ZNF84: variants seen among roughly 807,000 people sequenced by gnomAD.
ZNF84 encodes zinc finger protein 84, also known as zinc finger protein HPF2.
In ZNF84, 12 loss-of-function variants were observed where a neutral mutation model predicts 14.8. The ratio of observed to expected loss-of-function variants is 0.81; its 90% CI spans 0.52 to 1.31. ZNF84 has a LOEUF of 1.31. Among genes scored for constraint, ZNF84 ranks in the 50% most tolerant of loss-of-function variants. The pLI is 0.00. For missense variants in ZNF84, 859 were observed against 878.6 expected, an observed-to-expected ratio of 0.98 and a Z score of 0.28; for synonymous variants, 347 against 291.1, an observed-to-expected ratio of 1.19 and a Z score of -1.96.
chr12:133,063,208 T>G lies in ZNF84; in HGVS notation c.*4276T>G. The G allele has an allele frequency of 1.4e-6, 1 of 702,400 alleles. No homozygotes were observed. The highest frequency in any genetic ancestry group is 1.5e-5 in the South Asian group (1 of 67,594). 43.5% of individuals were successfully genotyped at this position (702,400 alleles called of 1,614,324 possible). Reference sequence around the variant, plus strand: ...GTACCTGGTTCTTCTGGTCTTCATGTTCAGGTCCACCTCTGCCCTTTTCAT... The same window carrying G: ...GTACCTGGTTCTTCTGGTCTTCATGGTCAGGTCCACCTCTGCCCTTTTCAT... On this transcript the variant is annotated 3_prime_UTR_variant, in exon 5 of 5. Coordinates refer to ENST00000539354, the MANE Select transcript of ZNF84 (RefSeq NM_001289971.2).
At position 133,059,331 on chromosome 12, in the gene ZNF84, T is replaced by G. The variant is rs1273333639; in HGVS notation, c.*399T>G. ...GTTCATTGTACATAAGAAAATGCTC[T>G]TAGGAATGAAGTTCTATGAAAGTAC... On this transcript the variant is annotated 3_prime_UTR_variant, in exon 5 of 5. Coordinates refer to ENST00000539354, the MANE Select transcript of ZNF84 (RefSeq NM_001289971.2). 1 of 273,456 alleles carries G rather than the reference T, an allele frequency of 3.7e-6. No homozygotes were observed. Among genetic ancestry groups the G allele is most frequent in the Non-Finnish European group, 6.8e-6 (1 of 147,128 alleles). The allele number at this position is 273,456 out of a possible 1,614,324, so 16.9% of individuals were successfully genotyped here.
At chr12:133,046,698 G>A (rs1953984752) in intron 2 of ZNF84, among the ~76,000 whole-genome samples, 1 of 150,890 alleles carries the variant, frequency 6.6e-6, no homozygotes. Context: ...GTCTCACTCT[G>A]TCACTCAAGC....
At chr12:133,056,674 C>A (rs992244131) in intron 4 of ZNF84, among the ~76,000 whole-genome samples, 2 of 152,154 alleles carry the variant, frequency 1.3e-5, no homozygotes, top group Non-Finnish European at 2.9e-5. Context: ...CTTCTTCTAA[C>A]CTTTTTTCTT....
chr12:133,052,843 G>T (rs914618335), intron 4 of ZNF84, among the ~76,000 whole-genome samples: 7 of 152,300 alleles, frequency 4.6e-5, no homozygotes, highest in Admixed American at 1.3e-4. Context: ...GATGTGAAAT[G>T]AGCATGGGGA....
In ZNF84 at chr12:133,063,146, G is replaced by T; in HGVS notation, c.*4214G>T. The T allele has an allele frequency of 2.8e-6, 2 of 702,374 alleles. 1 individual carries two copies. Among genetic ancestry groups the T allele is most frequent in the South Asian group, 3.0e-5 (2 of 67,598 alleles). The allele number at this position is 702,374 out of a possible 1,614,324, so 43.5% of individuals were successfully genotyped here. ...TGAGAGAGAAGAATGAAGCCATGAT[G>T]AAAGCAAAATCAAGAAAGAGTCCCG... On this transcript the variant is annotated 3_prime_UTR_variant, in exon 5 of 5. Transcript: ENST00000539354.
At chr12:133,053,010 C>T (rs1012667699) in intron 4 of ZNF84, among the ~76,000 whole-genome samples, 3 of 152,172 alleles carry the variant, frequency 2.0e-5, no homozygotes, top group Admixed American at 6.5e-5. Flanking sequence ...CCATACTCAA[C>T]TTGTAGGCAA....
At chr12:133,043,603 A>G (rs1953924367) in intron 2 of ZNF84, among the ~76,000 whole-genome samples, 1 of 152,224 alleles carries the variant, frequency 6.6e-6, no homozygotes. Context: ...ATCAAGGCAC[A>G]GGTTTAATCT....
chr12:133,041,444 G>A lies in ZNF84; in HGVS notation c.-24G>A. ...CAGTAGAACCGATCTCAGCCTTGCT[G>A]ATCATCTCGTACAGCAGCAGAAAAT... On this transcript the variant is annotated 5_prime_UTR_variant, in exon 2 of 5. Coordinates refer to ENST00000539354, the MANE Select transcript of ZNF84 (RefSeq NM_001289971.2). The A allele has an allele frequency of 7.4e-6, 12 of 1,614,074 alleles. No individual in the cohort carries two copies. The highest frequency in any genetic ancestry group is 1.3e-5 in the African/African-American group (1 of 75,060).
rs1407226628 is a variant in ZNF84 at position 133,060,347 on chromosome 12, A to G, written c.*1415A>G. 3 of 152,302 alleles carry G rather than the reference A, an allele frequency of 2.0e-5. No homozygotes were observed. The highest frequency in any genetic ancestry group is 1.9e-4 in the East Asian group (1 of 5,188). The allele number at this position is 152,302 out of a possible 1,614,324, so 9.4% of individuals were successfully genotyped here. A position where few individuals can be genotyped will look rare whatever the true frequency, so the allele number is the denominator to read the frequency against. ...ACATTTTTGACATTCAAGGATGCCT[A>G]TTTTATCTTCTAGCAAATTTCTGTG... On this transcript the variant is annotated 3_prime_UTR_variant, in exon 5 of 5. Coordinates refer to ENST00000539354, the MANE Select transcript of ZNF84 (RefSeq NM_001289971.2).
rs1473313370 is a variant in ZNF84 at position 133,058,581 on chromosome 12, A to T, written c.1866A>T (p.Thr622=). 6.2e-7 allele frequency: 1 copy of T among 1,613,974 alleles called. No individual in the cohort carries two copies. The highest frequency in any genetic ancestry group is 8.5e-7 in the Non-Finnish European group (1 of 1,180,004). The change falls in exon 5 of 5, where the codon ACA becomes ACT. Residue 622 remains threonine, a synonymous_variant. Transcript: ENST00000539354. ...SELIRHLRTH[T]GEKPYECNEC... is the part of the protein sequence containing the mutation. ...TAATTAGACATCTGAGAACTCATAC[A>T]GGAGAAAAACCTTATGAATGCAATG...
In ZNF84 at chr12:133,057,619, C is replaced by T; in HGVS notation, c.904C>T (p.Arg302Trp). 1.4e-5 allele frequency: 22 copies of T among 1,613,886 alleles called. No homozygotes were observed. The highest frequency in any genetic ancestry group is 2.2e-5 in the East Asian group (1 of 44,842). The change falls in exon 5 of 5, where the codon CGG becomes TGG. Residue 302 changes from arginine (R) to tryptophan (W), a missense_variant. Arg to Trp is a moderately radical substitution (Grantham distance 101). Coordinates refer to ENST00000539354, the MANE Select transcript of ZNF84 (RefSeq NM_001289971.2). ...TGGTGAATGTGGGAAAGCCTTCTCC[C>T]GGAAGTCACATCTCATATCGCATTG... ...ECGECGKAFS[R>W]KSHLISHWRT...
chr12:133,046,066 C>G (rs1336559770), intron 2 of ZNF84, among the ~76,000 whole-genome samples: 1 of 151,788 alleles, frequency 6.6e-6, no homozygotes, highest in African/African-American at 2.4e-5. Context: ...TGGTGGCATT[C>G]TAGATTTTTA....
At chr12:133,038,305 A>G (rs1953824729) in intron 1 of ZNF84, among the ~76,000 whole-genome samples, 1 of 151,962 alleles carries the variant, frequency 6.6e-6, no homozygotes, top group South Asian at 2.1e-4. Context: ...GCTTTTTTTC[A>G]TCTGTATAAC....
rs1035368935 is a variant in ZNF84, at chr12:133,062,066, A to G, written c.*3134A>G. Reference sequence around the variant, plus strand: ...ATGGAGCACAATAAGGTACATTGAGATAGCATACTAAAGGAGGCCAAATAC... The same window carrying G: ...ATGGAGCACAATAAGGTACATTGAGGTAGCATACTAAAGGAGGCCAAATAC... On this transcript the variant is annotated 3_prime_UTR_variant, in exon 5 of 5. Coordinates refer to ENST00000539354, the MANE Select transcript of ZNF84 (RefSeq NM_001289971.2). 1.3e-5 allele frequency: 2 copies of G among 152,248 alleles called. No homozygotes were observed. The highest frequency in any genetic ancestry group is 6.5e-5 in the Admixed American group (1 of 15,290). The allele number at this position is 152,248 out of a possible 1,614,324, so 9.4% of individuals were successfully genotyped here.
rs1306173867 is a variant in ZNF84 at position 133,048,718 on chromosome 12, T to C, written c.143-35T>C. On this transcript the variant is annotated intron_variant, in intron 3 of 4. Coordinates refer to ENST00000539354, the MANE Select transcript of ZNF84 (RefSeq NM_001289971.2). Reference sequence around the variant, plus strand: ...TTAGAGGCCCTAAACCCCAAGCAGTTGGGCCCAAGGCCTTTGTGATTTTTC... The same window carrying C: ...TTAGAGGCCCTAAACCCCAAGCAGTCGGGCCCAAGGCCTTTGTGATTTTTC... 23 of 1,575,490 alleles carry C rather than the reference T, an allele frequency of 1.5e-5. No individual in the cohort carries two copies. The East Asian group carries it at 5.2e-4, about 35-fold the overall frequency.
rs1369645018 is a variant in ZNF84 at position 133,057,485 on chromosome 12, A to T, written c.770A>T (p.His257Leu). 56 of 1,614,060 alleles carry T rather than the reference A, an allele frequency of 3.5e-5. No individual in the cohort carries two copies. The highest frequency in any genetic ancestry group is 4.6e-5 in the Non-Finnish European group (54 of 1,179,984). Residue 257 changes from histidine (H) to leucine (L), a missense_variant, in exon 5 of 5, where the codon CAT (histidine) becomes CTT (leucine). Coordinates refer to ENST00000539354, the MANE Select transcript of ZNF84 (RefSeq NM_001289971.2). ...CAGTTTATTACACATCACAGAACTC[A>T]TACAGGAGAAAAACCTTATAATTGT... ...KSQFITHHRT[H>L]TGEKPYNCSQ... is the part of the protein sequence containing the mutation.
rs1222227434 is a variant in ZNF84 at position 133,058,510 on chromosome 12, T to C, written c.1795T>C (p.Tyr599His). The C allele has an allele frequency of 1.5e-5, 24 of 1,614,048 alleles. No homozygotes were observed. Among genetic ancestry groups the C allele is most frequent in the Non-Finnish European group, 1.9e-5 (23 of 1,180,020 alleles). Residue 599 changes from tyrosine (Y) to histidine (H), a missense_variant, in exon 5 of 5, where the codon TAT (tyrosine) becomes CAT (histidine). Physicochemically the swap from Tyr to His is moderately conservative, Grantham distance 83. Coordinates refer to ENST00000539354, the MANE Select transcript of ZNF84 (RefSeq NM_001289971.2). The stretch of plus-strand genomic sequence containing the variant: ...GAGAATTCACACTGGAGAGAAACCC[T>C]ATGAATGCAGTCTTTGTAGGAAAGC... ...HQRIHTGEKPYECSLCRKAFF... is the reference protein window; with the variant it reads ...HQRIHTGEKPHECSLCRKAFF...
rs1175867688 is a variant in ZNF84, at chr12:133,057,120, G to A, written c.405G>A (p.Leu135=). Residue 135 remains leucine, a synonymous_variant, in exon 5 of 5, where the codon TTG becomes TTA. Transcript: ENST00000539354. ...KSNSEGDLDG[L]ILKHHLDLLI... is the part of the protein sequence containing the mutation. The stretch of plus-strand genomic sequence containing the variant: ...ACAGTGAAGGTGACTTAGATGGATT[G>A]ATTTTAAAACATCATTTAGATTTGC... 2 of 1,612,506 alleles carry A rather than the reference G, an allele frequency of 1.2e-6. No homozygotes were observed. Among genetic ancestry groups the A allele is most frequent in the East Asian group, 4.5e-5 (2 of 44,854 alleles).
intron 4 of ZNF84, among the ~76,000 whole-genome samples, chr12:133,050,797 T>A (rs1164757722): frequency 6.6e-6 from 1 of 152,226 alleles, no homozygotes; most frequent in African/African-American, 2.4e-5. Flanking sequence ...GATCGTAGTA[T>A]ATATAATATT....
Sources: allele counts gnomAD v4.1 joint callset (sites outside exome capture counted in the v4.1 genomes callset), GRCh38; gene constraint gnomAD v4.1.1; transcripts MANE v1.5; gene names NCBI Gene and HGNC (gene_info 2026-07-23, HGNC 2026-07-21).